RABGEF1: variants seen among roughly 807,000 people sequenced by gnomAD.
The protein encoded by RABGEF1 is RAB guanine nucleotide exchange factor 1.
A neutral mutation model predicts 57.3 loss-of-function variants in RABGEF1; 26 were observed. The observed-to-expected ratio is 0.45, with a 90% CI of 0.33 to 0.63. The LOEUF (loss-of-function observed/expected upper bound fraction) is 0.63. Among genes scored for constraint, RABGEF1 ranks in the 20% least tolerant of loss-of-function variants. The pLI is 0.02. For synonymous variants in RABGEF1, 185 were observed against 210.7 expected, an observed-to-expected ratio of 0.88 and a Z score of 1.06; for missense variants, 464 against 607.6, an observed-to-expected ratio of 0.76 and a Z score of 2.48.
intron 3 of RABGEF1, among the ~76,000 whole-genome samples, chr7:66,782,930 A>G (rs149606538): frequency 7.2e-5 from 11 of 152,380 alleles, no homozygotes; most frequent in South Asian, 2.1e-4. Flanking sequence ...ACCAAGTGGT[A>G]GTTCATACTT....
At chr7:66,726,407 C>A (rs1480065839) in intron 2 of RABGEF1, among the ~76,000 whole-genome samples, 1 of 152,110 alleles carries the variant, frequency 6.6e-6, no homozygotes, top group Admixed American at 6.5e-5. Context: ...CTCTGTTGTG[C>A]AGGCTGGAGT....
At chr7:66,699,492 A>G (rs1792886194) in intron 1 of RABGEF1, among the ~76,000 whole-genome samples, 2 of 152,168 alleles carry the variant, frequency 1.3e-5, no homozygotes, top group African/African-American at 4.8e-5. Flanking sequence ...GGAGTTCGAG[A>G]CCAGCCTGGC....
At chr7:66,800,717 T>G (rs1787099905) in intron 7 of RABGEF1, among the ~76,000 whole-genome samples, 1 of 152,068 alleles carries the variant, frequency 6.6e-6, no homozygotes, top group Non-Finnish European at 1.5e-5. Flanking sequence ...ACATTTAGAG[T>G]GTTCTATGAG....
At chr7:66,707,862 CCTT>C (rs1211458857) in intron 1 of RABGEF1, among the ~76,000 whole-genome samples, 1 of 151,994 alleles carries the variant, frequency 6.6e-6, no homozygotes, top group Non-Finnish European at 1.5e-5. Context: ...TCTATAATGT[CCTT>C]CTTTGTCTCT....
In RABGEF1 at chr7:66,785,657, A is replaced by G. The variant is rs564925143; in HGVS notation, c.513+1816A>G. Among the ~76,000 whole-genome samples the G allele has an allele frequency of 3.9e-5, 6 of 152,228 alleles. No individual in the cohort carries two copies. In the East Asian group the frequency reaches 1.2e-3, roughly 29 times the overall value. On this transcript the variant is annotated intron_variant, in intron 4 of 8. Transcript: ENST00000284957. Reference sequence around the variant, plus strand: ...TGGGAGGCCGAGGCAGGCGGATCACAAGGTCAGGAGATAGAGACCATCCTG... The same window carrying G: ...TGGGAGGCCGAGGCAGGCGGATCACGAGGTCAGGAGATAGAGACCATCCTG...
chr7:66,734,306 C>T (rs1797681951), intron 2 of RABGEF1, among the ~76,000 whole-genome samples: 1 of 152,082 alleles, frequency 6.6e-6, no homozygotes, highest in African/African-American at 2.4e-5. Flanking sequence ...TCTGGGGCAG[C>T]CTAGAGCATA....
rs1440011429 is a variant in RABGEF1 at position 66,809,380 on chromosome 7, A to T, written c.*96A>T. 9 of 1,236,168 alleles carry T rather than the reference A, an allele frequency of 7.3e-6. No homozygotes were observed. In the African/African-American group the frequency reaches 1.8e-4, roughly 25 times the overall value. The allele number at this position is 1,236,168 out of a possible 1,614,324, so 76.6% of individuals were successfully genotyped here. A position where few individuals can be genotyped will look rare whatever the true frequency, so the allele number is the denominator to read the frequency against. Reference sequence around the variant, plus strand: ...GATCTAGAATGTAACTAAATTGCTTATAAATGTCAGCATTTTTTAAAGGTA... The same window carrying T: ...GATCTAGAATGTAACTAAATTGCTTTTAAATGTCAGCATTTTTTAAAGGTA... On this transcript the variant is annotated 3_prime_UTR_variant, in exon 9 of 9. Transcript: ENST00000284957.
At chr7:66,680,523 C>A (rs200360503), upstream of RABGEF1, among the ~76,000 whole-genome samples, 1 of 151,842 alleles carries the variant, frequency 6.6e-6, no homozygotes, top group African/African-American at 2.4e-5. Context: ...GGATTACAGG[C>A]GTGAGCCACC....
intron 1 of RABGEF1, among the ~76,000 whole-genome samples, chr7:66,766,318 A>G (rs1805696025): frequency 6.6e-6 from 1 of 152,004 alleles, no homozygotes; most frequent in Non-Finnish European, 1.5e-5. Context: ...AAAAAAAAAA[A>G]AGGAAGCTTA....
chr7:66,770,005 A>G (rs1806680984), intron 1 of RABGEF1, among the ~76,000 whole-genome samples: 1 of 152,092 alleles, frequency 6.6e-6, no homozygotes, highest in Non-Finnish European at 1.5e-5. Flanking sequence ...CAGCATCCCC[A>G]AGTGGTCTCT....
the RABGEF1 span, among the ~76,000 whole-genome samples, chr7:66,672,928 T>G: frequency 6.7e-6 from 1 of 150,120 alleles, no homozygotes; most frequent in African/African-American, 2.4e-5. Context: ...TGCGGGCTGT[T>G]TGGGGAAGGA....
chr7:66,678,785 G>A (rs1789488865), upstream of RABGEF1, among the ~76,000 whole-genome samples: 1 of 152,086 alleles, frequency 6.6e-6, no homozygotes, highest in Non-Finnish European at 1.5e-5. Context: ...AATAACTGCT[G>A]GCAAGCATGG....
intron 4 of RABGEF1, among the ~76,000 whole-genome samples, chr7:66,794,050 C>G (rs1054126374): frequency 4.6e-5 from 7 of 152,006 alleles, no homozygotes; most frequent in African/African-American, 1.7e-4. Context: ...TCTTTTGAAC[C>G]CTGAATTACA....
intron 1 of RABGEF1, among the ~76,000 whole-genome samples, chr7:66,700,492 G>T (rs958840933): frequency 1.3e-5 from 2 of 152,092 alleles, no homozygotes; most frequent in Non-Finnish European, 1.5e-5. Context: ...GGCCCCGGAG[G>T]GGGAGGTAGG....
chr7:66,770,534 A>AGT (rs1806831250), intron 1 of RABGEF1: 1 of 152,194 alleles, frequency 6.6e-6, no homozygotes, highest in Non-Finnish European at 1.5e-5. Flanking sequence ...CCCAGGCTGG[A>AGT]GTGCAGTGGT....
At chr7:66,679,187 C>T (rs1055617906), upstream of RABGEF1, among the ~76,000 whole-genome samples, 4 of 152,192 alleles carry the variant, frequency 2.6e-5, no homozygotes, top group Admixed American at 1.3e-4. Flanking sequence ...TCTATCTGTT[C>T]GGTGCCTGGA....
intron 2 of RABGEF1, among the ~76,000 whole-genome samples, chr7:66,725,641 G>A (rs1796503919): frequency 2.0e-5 from 3 of 152,206 alleles, no homozygotes; most frequent in Admixed American, 2.0e-4. Context: ...AGGCAGATAT[G>A]ACTCCCCCAA....
chr7:66,684,046 G>A (rs1356760685), intron 1 of RABGEF1, among the ~76,000 whole-genome samples: 2 of 152,158 alleles, frequency 1.3e-5, no homozygotes, highest in South Asian at 2.1e-4. Context: ...CTGGAGGGTG[G>A]TTATTAAAGA....
chr7:66,801,425 C>T (rs933603442), intron 7 of RABGEF1, among the ~76,000 whole-genome samples: 2 of 152,084 alleles, frequency 1.3e-5, no homozygotes, highest in East Asian at 1.9e-4. Context: ...TTTTAATGTA[C>T]AATTAAATTA....
Sources: allele counts gnomAD v4.1 joint callset (sites outside exome capture counted in the v4.1 genomes callset), GRCh38; gene constraint gnomAD v4.1.1; transcripts MANE v1.5; gene names NCBI Gene and HGNC (gene_info 2026-07-23, HGNC 2026-07-21).